EPB41: variants seen among roughly 807,000 people sequenced by gnomAD.
EPB41 encodes erythrocyte membrane protein band 4.1, also known as protein 4.1.
EPB41 carries 65 observed loss-of-function variants against 108.0 expected under a neutral mutation model. The ratio of observed to expected loss-of-function variants is 0.60; its 90% confidence interval spans 0.49 to 0.74. The LOEUF is 0.74. Among genes scored for constraint, EPB41 ranks in the 30% least tolerant of loss-of-function variants. EPB41 has a pLI of 0.00. For synonymous variants in EPB41, 336 were observed against 358.9 expected (o/e 0.94, Z 0.72); for missense variants, 875 against 1,037.0 (o/e 0.84, Z 2.15).
intron 17 of EPB41, among the ~76,000 whole-genome samples, chr1:29,100,394 G>A (rs1325264662): frequency 2.1e-5 from 3 of 140,424 alleles, no homozygotes; most frequent in African/African-American, 7.5e-5. Flanking sequence ...TCTGGGAGGC[G>A]GAGGTTGCGG....
intron 1 of EPB41, among the ~76,000 whole-genome samples, chr1:28,950,350 G>A (rs1406841470): frequency 6.6e-6 from 1 of 152,196 alleles, no homozygotes; most frequent in Non-Finnish European, 1.5e-5. Flanking sequence ...ACCCATGTTT[G>A]TTTAACTTTA....
intron 1 of EPB41, among the ~76,000 whole-genome samples, chr1:28,944,233 T>C (rs2094410259): frequency 6.6e-6 from 1 of 151,918 alleles, no homozygotes; most frequent in African/African-American, 2.4e-5. Context: ...AGGCGGGGGC[T>C]GGGAGGAGAG....
intron 11 of EPB41, among the ~76,000 whole-genome samples, chr1:29,050,390 C>T (rs1474594294): frequency 4.6e-5 from 7 of 152,230 alleles, no homozygotes; most frequent in Non-Finnish European, 8.8e-5. Context: ...CAAAATAACA[C>T]ATGGTGAAAG....
At chr1:29,007,492 A>G (rs2096426532) in intron 4 of EPB41, among the ~76,000 whole-genome samples, 1 of 152,184 alleles carries the variant, frequency 6.6e-6, no homozygotes, top group African/African-American at 2.4e-5. Context: ...ACCAGTTTAC[A>G]TTCTCACAAG....
At chr1:28,920,453 C>T (rs1010613178) in intron 1 of EPB41, among the ~76,000 whole-genome samples, 13 of 152,064 alleles carry the variant, frequency 8.5e-5, no homozygotes, top group South Asian at 4.1e-4. Context: ...ATCATAGCAC[C>T]GGACACAACA....
At chr1:28,939,427 ATATT>A (rs1249539368) in intron 1 of EPB41, among the ~76,000 whole-genome samples, 1 of 151,728 alleles carries the variant, frequency 6.6e-6, no homozygotes, top group Non-Finnish European at 1.5e-5. Context: ...TTTTGTGTCT[ATATT>A]TATTTATTTT....
At chr1:29,101,281 G>C (rs1003085377) in intron 17 of EPB41, among the ~76,000 whole-genome samples, 4 of 152,058 alleles carry the variant, frequency 2.6e-5, no homozygotes, top group Non-Finnish European at 4.4e-5. Flanking sequence ...AGCTCAATCA[G>C]GTAGGTACCA....
intron 15 of EPB41, among the ~76,000 whole-genome samples, chr1:29,064,655 C>A (rs986293893): frequency 6.6e-6 from 1 of 152,124 alleles, no homozygotes; most frequent in Non-Finnish European, 1.5e-5. Context: ...GAACTACCTT[C>A]TTGGGATGAG....
At chr1:28,911,067 T>G (rs2092231611), upstream of EPB41, 1 of 985,220 alleles carries the variant, frequency 1.0e-6, no homozygotes, top group Non-Finnish European at 1.2e-6. Flanking sequence ...ACTGGATACC[T>G]GGTTTGCAGA....
intron 1 of EPB41, among the ~76,000 whole-genome samples, chr1:28,968,663 C>T (rs1285622685): frequency 1.3e-5 from 2 of 151,876 alleles, no homozygotes; most frequent in Non-Finnish European, 2.9e-5. Context: ...GCAAAAACTG[C>T]AATTATAAAA....
At chr1:29,019,925 C>G (rs1342890621) in intron 7 of EPB41, among the ~76,000 whole-genome samples, 1 of 152,144 alleles carries the variant, frequency 6.6e-6, no homozygotes, top group Non-Finnish European at 1.5e-5. Flanking sequence ...ACACTATTTC[C>G]AAAGAGAACT....
intron 11 of EPB41, among the ~76,000 whole-genome samples, chr1:29,044,908 C>A (rs1441063824): frequency 6.6e-6 from 1 of 152,132 alleles, no homozygotes; most frequent in Non-Finnish European, 1.5e-5. Context: ...TCCAGTGTCA[C>A]CTTTGTTATA....
At chr1:28,892,741 C>T (rs1557604802) in intron 1 of EPB41, among the ~76,000 whole-genome samples, 1 of 151,562 alleles carries the variant, frequency 6.6e-6, no homozygotes, top group South Asian at 2.1e-4. Flanking sequence ...AAACAAATGG[C>T]CCCAATGTCA....
chr1:29,074,217 T>C (rs1652866176), intron 16 of EPB41, among the ~76,000 whole-genome samples: 1 of 152,184 alleles, frequency 6.6e-6, no homozygotes, highest in African/African-American at 2.4e-5. Context: ...ACATACAAAA[T>C]TTGTTGACAG....
At position 28,987,698 on chromosome 1, in the gene EPB41, C is replaced by G; in HGVS notation, c.261C>G (p.Leu87=). ...RGLSRLFSSF[L]KRPKSQVSEE... Reference sequence around the variant, plus strand: ...TTTCACGACTATTCTCCTCGTTTCTCAAAAGGCCCAAATCTCAGGTGTCCG... The same window carrying G: ...TTTCACGACTATTCTCCTCGTTTCTGAAAAGGCCCAAATCTCAGGTGTCCG... Residue 87 remains leucine, a synonymous_variant, in exon 2 of 21, where the codon CTC becomes CTG. Transcript: ENST00000343067. 6.2e-7 allele frequency: 1 copy of G among 1,614,114 alleles called. No individual in the cohort carries two copies. The highest frequency in any genetic ancestry group is 8.5e-7 in the Non-Finnish European group (1 of 1,180,014).
rs2096692101 is a variant in EPB41, at chr1:29,024,492, G to A, written c.1125-5908G>A. 2.0e-5 allele frequency among the ~76,000 whole-genome samples: 3 copies of A among 151,640 alleles called. No homozygotes were observed. In the South Asian group the frequency reaches 6.2e-4, roughly 31 times the overall value. ...ACTAAAAATACAAAAAATTAGCCGGGCTTGGTGGCACGCGCCTGTAATCCC... is the reference window on the plus strand; with the variant it reads ...ACTAAAAATACAAAAAATTAGCCGGACTTGGTGGCACGCGCCTGTAATCCC... On this transcript the variant is annotated intron_variant, in intron 7 of 20. Coordinates refer to ENST00000343067, the MANE Select transcript of EPB41 (RefSeq NM_001376013.1).
intron 1 of EPB41, among the ~76,000 whole-genome samples, chr1:28,929,781 G>A (rs1433800301): frequency 1.2e-4 from 18 of 149,202 alleles, no homozygotes; most frequent in African/African-American, 3.5e-4. Context: ...TGATCTGCCC[G>A]CCTTGGCCTC....
At chr1:29,099,937 G>A (rs960337801) in intron 17 of EPB41, among the ~76,000 whole-genome samples, 1 of 152,134 alleles carries the variant, frequency 6.6e-6, no homozygotes, top group Non-Finnish European at 1.5e-5. Flanking sequence ...ACTAAAATGG[G>A]GTAAAGAGTT....
chr1:29,058,783 C>G lies in EPB41; in HGVS notation c.1903-28C>G, dbSNP rs779523924. 2.6e-6 allele frequency: 4 copies of G among 1,537,824 alleles called. No individual in the cohort carries two copies. In the East Asian group the frequency reaches 7.3e-5, roughly 28 times the overall value. The stretch of plus-strand genomic sequence containing the variant: ...CAATGAGCAACATTTTATCATTTTT[C>G]TTTCTTTTTTAAATTATGGCAAAAC... On this transcript the variant is annotated intron_variant, in intron 13 of 20. Coordinates refer to ENST00000343067, the MANE Select transcript of EPB41 (RefSeq NM_001376013.1).
Sources: allele counts gnomAD v4.1 joint callset (sites outside exome capture counted in the v4.1 genomes callset), GRCh38; gene constraint gnomAD v4.1.1; transcripts MANE v1.5; gene names NCBI Gene and HGNC (gene_info 2026-07-23, HGNC 2026-07-21).